PEAK1: variants seen among roughly 807,000 people sequenced by gnomAD.
PEAK1 encodes the protein inactive tyrosine-protein kinase PEAK1.
In PEAK1, 54 loss-of-function variants were observed where a neutral mutation model predicts 124.7. The ratio of observed to expected loss-of-function variants is 0.43; its 90% CI spans 0.35 to 0.54. The LOEUF is 0.54. Ranked by LOEUF, PEAK1 falls within the 20% of genes least tolerant of loss-of-function variation. The pLI is 0.01. For synonymous variants in PEAK1, 719 were observed against 760.0 expected (o/e 0.95, Z 0.89); for missense variants, 2,046 against 2,134.5 (o/e 0.96, Z 0.82).
chr15:77,370,897 G>A (rs1286573943), intron 1 of PEAK1: 1 of 404,984 alleles, frequency 2.5e-6, no homozygotes, highest in Non-Finnish European at 3.3e-6. Context: ...ACGTGTGGTG[G>A]CCCACGCCTG....
chr15:77,392,133 G>A (rs550620441), intron 1 of PEAK1, among the ~76,000 whole-genome samples: 2 of 152,136 alleles, frequency 1.3e-5, no homozygotes, highest in Non-Finnish European at 1.5e-5. Flanking sequence ...TTTTGCACCC[G>A]CAGCATTTAG....
intron 5 of PEAK1, among the ~76,000 whole-genome samples, chr15:77,279,096 CGTGTGTGCGTGTGTGTGT>C (rs2062513351): frequency 9.1e-6 from 1 of 109,986 alleles, no homozygotes; most frequent in South Asian, 2.6e-4. Flanking sequence ...CCAAGGTGCT[CGTGTGTGCGTGTGTGTGT>C]GTGTGTGTGT....
chr15:77,208,300 T>C (rs1369531547), intron 6 of PEAK1, among the ~76,000 whole-genome samples: 1 of 152,220 alleles, frequency 6.6e-6, no homozygotes, highest in Non-Finnish European at 1.5e-5. Flanking sequence ...TGCTGGGATT[T>C]GAACCCAGGC....
chr15:77,148,098 C>T (rs1377215102), intron 8 of PEAK1, among the ~76,000 whole-genome samples: 1 of 152,074 alleles, frequency 6.6e-6, no homozygotes, highest in Non-Finnish European at 1.5e-5. Flanking sequence ...AGAATGACAT[C>T]TGAATTAATC....
intron 2 of PEAK1, among the ~76,000 whole-genome samples, chr15:77,290,366 T>A (rs2063152316): frequency 6.6e-6 from 1 of 152,120 alleles, no homozygotes; most frequent in African/African-American, 2.4e-5. Context: ...GTGATCCACC[T>A]GTCTTGGCCT....
chr15:77,182,644 C>G (rs1353363130), intron 6 of PEAK1, among the ~76,000 whole-genome samples: 1 of 149,104 alleles, frequency 6.7e-6, no homozygotes, highest in Non-Finnish European at 1.5e-5. Context: ...TCCAGATACT[C>G]AGGAAGCTGA....
chr15:77,382,527 C>T lies in PEAK1; in HGVS notation c.-665-17302G>A, dbSNP rs116579895. On this transcript the variant is annotated intron_variant, in intron 1 of 9. Transcript: ENST00000682557. ...CTTGGGCCCTTCAATACACCCCTCT[C>T]TAACCCACACCAAATCTGCATTAGG... Among the ~76,000 whole-genome samples, 445 of 152,298 alleles carry T rather than the reference C, an allele frequency of 2.9e-3. 2 individuals carry two copies. Among genetic ancestry groups the T allele is most frequent in the African/African-American group, 0.01 (418 of 41,560 alleles).
At chr15:77,397,127 G>A (rs2141977903) in intron 1 of PEAK1, among the ~76,000 whole-genome samples, 4 of 151,960 alleles carry the variant, frequency 2.6e-5, no homozygotes, top group Admixed American at 2.6e-4. Context: ...GACCACAATG[G>A]GATAAAACCA....
chr15:77,387,376 T>A (rs1179986970), intron 1 of PEAK1, among the ~76,000 whole-genome samples: 1 of 152,228 alleles, frequency 6.6e-6, no homozygotes, highest in African/African-American at 2.4e-5. Flanking sequence ...AATTCCCTCA[T>A]ACTAGGTTAC....
intron 2 of PEAK1, among the ~76,000 whole-genome samples, chr15:77,320,434 T>C (rs1400850841): frequency 6.6e-6 from 1 of 152,200 alleles, no homozygotes; most frequent in Non-Finnish European, 1.5e-5. Flanking sequence ...CATTGAGTAA[T>C]GACTACCAAA....
intron 5 of PEAK1, among the ~76,000 whole-genome samples, chr15:77,273,797 C>T (rs906257457): frequency 1.3e-5 from 2 of 151,986 alleles, no homozygotes; most frequent in Non-Finnish European, 2.9e-5. Flanking sequence ...TCACATGGAA[C>T]CAAAAAAGAG....
At chr15:77,147,335 C>T (rs1190213999) in intron 8 of PEAK1, among the ~76,000 whole-genome samples, 1 of 152,114 alleles carries the variant, frequency 6.6e-6, no homozygotes, top group African/African-American at 2.4e-5. Context: ...TTAGATAATG[C>T]TCTAGGATGT....
intron 5 of PEAK1, among the ~76,000 whole-genome samples, chr15:77,264,393 C>G (rs1307611783): frequency 6.6e-6 from 1 of 152,158 alleles, no homozygotes; most frequent in Non-Finnish European, 1.5e-5. Flanking sequence ...AGCTGATAAG[C>G]AACTTCAGCA....
At chr15:77,306,299 T>A (rs1462770402) in intron 2 of PEAK1, among the ~76,000 whole-genome samples, 8 of 152,178 alleles carry the variant, frequency 5.3e-5, no homozygotes, top group African/African-American at 1.7e-4. Flanking sequence ...CTTAAACAAT[T>A]CAAGTTCTAA....
chr15:77,197,435 A>T (rs1439364289), intron 6 of PEAK1, among the ~76,000 whole-genome samples: 1 of 152,224 alleles, frequency 6.6e-6, no homozygotes, highest in South Asian at 2.1e-4. Flanking sequence ...AAATAGCAAG[A>T]ACATATTCAT....
intron 2 of PEAK1, among the ~76,000 whole-genome samples, chr15:77,313,684 GTGTGTGTGTA>G (rs2064651778): frequency 2.5e-5 from 3 of 119,726 alleles, no homozygotes; most frequent in Non-Finnish European, 5.0e-5. Context: ...GTGTGTGTGT[GTGTGTGTGTA>G]TATATATATA....
chr15:77,350,857 G>A (rs900735304), intron 2 of PEAK1: 5 of 983,568 alleles, frequency 5.1e-6, no homozygotes, highest in South Asian at 9.4e-5. Flanking sequence ...TCAATTACTG[G>A]AGCACTCCAT....
intron 2 of PEAK1, among the ~76,000 whole-genome samples, chr15:77,325,777 T>C (rs769966615): frequency 6.6e-6 from 1 of 152,206 alleles, no homozygotes; most frequent in Admixed American, 6.5e-5. Flanking sequence ...AATCCAGCTG[T>C]GCCATACCCA....
At chr15:77,322,351 G>A (rs1449172032) in intron 2 of PEAK1, among the ~76,000 whole-genome samples, 1 of 152,102 alleles carries the variant, frequency 6.6e-6, no homozygotes, top group Non-Finnish European at 1.5e-5. Flanking sequence ...CTGGTTTTTT[G>A]AAAGGATCAA....
Sources: allele counts gnomAD v4.1 joint callset (sites outside exome capture counted in the v4.1 genomes callset), GRCh38; gene constraint gnomAD v4.1.1; transcripts MANE v1.5; gene names NCBI Gene and HGNC (gene_info 2026-07-23, HGNC 2026-07-21).